The following CHN1 variants were observed in gnomAD, a reference collection of about 807,000 sequenced individuals.
CHN1 encodes the protein N-chimaerin.
A neutral mutation model predicts 59.5 loss-of-function variants in CHN1; 37 were observed. The observed-to-expected ratio is 0.62, with a 90% CI of 0.48 to 0.82. The LOEUF is 0.82. CHN1 is among the 40% of genes least tolerant of loss of function. The pLI is 0.00. For synonymous variants in CHN1, 206 were observed against 200.4 expected (o/e 1.03, Z -0.24); for missense variants, 469 against 571.0 (o/e 0.82, Z 1.82).
At chr2:174,954,147 C>G (rs2105415746) in intron 1 of CHN1, among the ~76,000 whole-genome samples, 1 of 152,252 alleles carries the variant, frequency 6.6e-6, no homozygotes, top group East Asian at 1.9e-4. Context: ...CAAATACTTA[C>G]AGCCAACTGA....
At chr2:174,974,894 TTAATACACACACACAC>T (rs1460490590) in intron 1 of CHN1, among the ~76,000 whole-genome samples, 3 of 77,276 alleles carry the variant, frequency 3.9e-5, no homozygotes, top group South Asian at 7.1e-4. Flanking sequence ...TAAGAAATAA[TTAATACACACACACAC>T]ACACACACAC....
chr2:174,882,483 T>C (rs1294906298), intron 5 of CHN1, among the ~76,000 whole-genome samples: 2 of 152,186 alleles, frequency 1.3e-5, no homozygotes, highest in East Asian at 1.9e-4. Context: ...TGACAAAATA[T>C]ATACAGAATA....
At chr2:174,823,612 G>A (rs1199244439) in intron 8 of CHN1, among the ~76,000 whole-genome samples, 3 of 151,630 alleles carry the variant, frequency 2.0e-5, no homozygotes, top group Non-Finnish European at 2.9e-5. Context: ...GCAGTGAGCC[G>A]AGATCGCGCT....
chr2:174,817,782 C>G (rs533104468), intron 8 of CHN1, among the ~76,000 whole-genome samples: 1 of 152,110 alleles, frequency 6.6e-6, no homozygotes, highest in East Asian at 1.9e-4. Flanking sequence ...GGACTACAGG[C>G]GCCCGCCACC....
At chr2:174,957,600 T>G (rs1690254462) in intron 1 of CHN1, among the ~76,000 whole-genome samples, 1 of 152,204 alleles carries the variant, frequency 6.6e-6, no homozygotes, top group Admixed American at 6.5e-5. Context: ...AATTCAATCC[T>G]AAGGAGTATG....
chr2:174,897,770 G>T (rs1688262636), intron 5 of CHN1, among the ~76,000 whole-genome samples: 1 of 152,014 alleles, frequency 6.6e-6, no homozygotes, highest in Non-Finnish European at 1.5e-5. Flanking sequence ...GAAAGAATAG[G>T]TTCCTTAGAA....
At chr2:174,905,596 G>A (rs774498362) in intron 5 of CHN1, among the ~76,000 whole-genome samples, 2 of 151,248 alleles carry the variant, frequency 1.3e-5, no homozygotes, top group African/African-American at 2.4e-5. Context: ...ACGGAGTCTC[G>A]CTCTGTTGCC....
chr2:174,863,865 T>C (rs879672438), intron 6 of CHN1, among the ~76,000 whole-genome samples: 164 of 152,312 alleles, frequency 1.1e-3, no homozygotes, highest in African/African-American at 2.9e-3. Context: ...GCTTCATTGG[T>C]GAGAACACTG....
At chr2:174,880,995 A>T (rs1396839169) in intron 5 of CHN1, among the ~76,000 whole-genome samples, 1 of 151,716 alleles carries the variant, frequency 6.6e-6, no homozygotes, top group Non-Finnish European at 1.5e-5. Flanking sequence ...GTGGTGAGCC[A>T]AGATTGCACC....
chr2:174,841,506 G>T (rs1196483069), intron 7 of CHN1, among the ~76,000 whole-genome samples: 1 of 152,158 alleles, frequency 6.6e-6, no homozygotes, highest in Non-Finnish European at 1.5e-5. Context: ...TCCTCTACAT[G>T]TCCGATTGCC....
At chr2:174,837,582 C>T (rs1464010536) in intron 7 of CHN1, among the ~76,000 whole-genome samples, 1 of 152,138 alleles carries the variant, frequency 6.6e-6, no homozygotes, top group African/African-American at 2.4e-5. Flanking sequence ...AGAAAATAAG[C>T]AGCTGATGAT....
chr2:175,001,367 T>C (rs1022052650), intron 1 of CHN1, among the ~76,000 whole-genome samples: 2 of 152,236 alleles, frequency 1.3e-5, no homozygotes, highest in African/African-American at 2.4e-5. Flanking sequence ...GACATTCCTA[T>C]GGGAAATCAG....
chr2:174,818,993 A>G (rs1236539173), intron 8 of CHN1, among the ~76,000 whole-genome samples: 1 of 152,178 alleles, frequency 6.6e-6, no homozygotes, highest in African/African-American at 2.4e-5. Flanking sequence ...GGCAAATAAA[A>G]ACTTGTTTTG....
chr2:174,901,594 T>A (rs1190072185), intron 5 of CHN1, among the ~76,000 whole-genome samples: 1 of 152,300 alleles, frequency 6.6e-6, no homozygotes, highest in Non-Finnish European at 1.5e-5. Flanking sequence ...ACTGTTAAGC[T>A]CCATAAGGCC....
chr2:174,914,672 G>A (rs1218567355), intron 5 of CHN1, among the ~76,000 whole-genome samples: 2 of 151,698 alleles, frequency 1.3e-5, no homozygotes, highest in Non-Finnish European at 2.9e-5. Context: ...GTGAAACCCC[G>A]TCTCTACTAA....
intron 3 of CHN1, among the ~76,000 whole-genome samples, chr2:174,939,880 A>C (rs915457309): frequency 1.3e-5 from 2 of 151,780 alleles, no homozygotes; most frequent in Non-Finnish European, 1.5e-5. Context: ...AATCCCATGA[A>C]ACTCCTGCCT....
chr2:174,852,689 C>A (rs996229382), intron 6 of CHN1, among the ~76,000 whole-genome samples: 1 of 152,026 alleles, frequency 6.6e-6, no homozygotes, highest in African/African-American at 2.4e-5. Flanking sequence ...TAAGTTATAA[C>A]GTTATAGTAA....
At chr2:174,920,993 G>T in intron 3 of CHN1, 1 of 429,096 alleles carries the variant, frequency 2.3e-6, no homozygotes, top group South Asian at 1.7e-5. Context: ...TCCCTCGCAT[G>T]TGCAGTTCAC....
At chr2:174,904,914 T>C (rs529289779) in intron 5 of CHN1, among the ~76,000 whole-genome samples, 9 of 152,288 alleles carry the variant, frequency 5.9e-5, no homozygotes, top group East Asian at 1.9e-4. Flanking sequence ...GAGTGTCTGA[T>C]ACATTGAAGT....
Sources: gnomAD v4.1 joint callset for allele counts (sites outside exome capture counted in the v4.1 genomes callset) on GRCh38, gnomAD v4.1.1 for gene constraint, MANE v1.5 for transcripts, NCBI Gene and HGNC (gene_info 2026-07-23, HGNC 2026-07-21) for gene names.